The following SRGAP1 variants were observed in gnomAD, a reference collection of about 807,000 sequenced individuals.
SRGAP1 encodes SLIT-ROBO Rho GTPase activating protein 1, also known as SLIT-ROBO Rho GTPase-activating protein 1.
SRGAP1 carries 43 observed loss-of-function variants against 121.9 expected under a neutral mutation model. The observed-to-expected ratio is 0.35, with a 90% CI of 0.28 to 0.46. The LOEUF (loss-of-function observed/expected upper bound fraction) is 0.46, where lower values mean the gene tolerates loss of function less well. SRGAP1 is among the 20% of genes least tolerant of loss of function. The pLI is 1.00. For synonymous variants in SRGAP1, 447 were observed against 485.4 expected (o/e 0.92, Z 1.04); for missense variants, 1,102 against 1,350.9 (o/e 0.82, Z 2.89).
intron 18 of SRGAP1, among the ~76,000 whole-genome samples, chr12:64,124,015 C>T (rs959844272): frequency 6.6e-6 from 1 of 151,922 alleles, no homozygotes; most frequent in African/African-American, 2.4e-5. Context: ...CAGTTTGAGA[C>T]CAGCCTTGGC....
chr12:63,943,682 T>C (rs2031943522), intron 1 of SRGAP1, among the ~76,000 whole-genome samples: 1 of 152,056 alleles, frequency 6.6e-6, no homozygotes, highest in East Asian at 1.9e-4. Context: ...GCAAAGGTGA[T>C]TGGTTTGCAA....
At chr12:64,080,633 G>A in intron 10 of SRGAP1, 1 of 521,324 alleles carries the variant, frequency 1.9e-6, no homozygotes, top group Non-Finnish European at 3.5e-6. Flanking sequence ...GGGATCTTCA[G>A]AGTGTGGTGC....
chr12:64,049,344 T>G (rs1296259583), intron 6 of SRGAP1, among the ~76,000 whole-genome samples: 1 of 152,112 alleles, frequency 6.6e-6, no homozygotes, highest in Non-Finnish European at 1.5e-5. Context: ...AGGAAAGAGG[T>G]TTAATTGACT....
intron 15 of SRGAP1, among the ~76,000 whole-genome samples, chr12:64,104,066 C>G (rs2136605112): frequency 6.6e-6 from 1 of 152,272 alleles, no homozygotes; most frequent in African/African-American, 2.4e-5. Flanking sequence ...AAATTTGCAT[C>G]TTGTGATTTA....
At chr12:64,075,021 C>G (rs1285680176) in intron 8 of SRGAP1, among the ~76,000 whole-genome samples, 2 of 151,604 alleles carry the variant, frequency 1.3e-5, no homozygotes, top group African/African-American at 2.4e-5. Flanking sequence ...GCCGAGACCA[C>G]CTCGGTCGGG....
chr12:63,946,392 C>G (rs2032048724), intron 1 of SRGAP1, among the ~76,000 whole-genome samples: 1 of 151,128 alleles, frequency 6.6e-6, no homozygotes, highest in African/African-American at 2.4e-5. Flanking sequence ...TACGAAACCA[C>G]TAAGATAGTG....
At chr12:63,897,365 A>G (rs1369220799) in intron 1 of SRGAP1, among the ~76,000 whole-genome samples, 1 of 152,246 alleles carries the variant, frequency 6.6e-6, no homozygotes, top group South Asian at 2.1e-4. Context: ...TATGAGAACT[A>G]GAGCAACTAG....
intron 1 of SRGAP1, among the ~76,000 whole-genome samples, chr12:63,938,920 T>G (rs927326691): frequency 6.6e-6 from 1 of 151,758 alleles, no homozygotes; most frequent in African/African-American, 2.4e-5. Flanking sequence ...TTCAAGAGGC[T>G]GAGGTGGGAA....
At chr12:63,960,868 G>A (rs1344880821) in intron 1 of SRGAP1, among the ~76,000 whole-genome samples, 1 of 152,170 alleles carries the variant, frequency 6.6e-6, no homozygotes, top group Admixed American at 6.5e-5. Flanking sequence ...AAGAGGCAAG[G>A]AATGGATTCT....
intron 15 of SRGAP1, among the ~76,000 whole-genome samples, chr12:64,105,305 A>T (rs1479319933): frequency 6.6e-6 from 1 of 152,198 alleles, no homozygotes; most frequent in Non-Finnish European, 1.5e-5. Context: ...TTATCCACTC[A>T]TCTGTCGATG....
chr12:64,134,739 T>C (rs537653959), intron 21 of SRGAP1, among the ~76,000 whole-genome samples: 2 of 152,284 alleles, frequency 1.3e-5, no homozygotes, highest in African/African-American at 4.8e-5. Flanking sequence ...CCCAAATCAA[T>C]AAATTCAGCC....
rs1169239749 is a variant in SRGAP1 at position 64,159,827 on chromosome 12, A to G, written c.*17155A>G. On this transcript the variant is annotated 3_prime_UTR_variant, in exon 22 of 22. Coordinates refer to ENST00000355086, the MANE Select transcript of SRGAP1 (RefSeq NM_020762.4). Reference sequence around the variant, plus strand: ...TTGTTTGGACTCGAGTGGACTCTACAACAGCAGGAAATAAACTACTGTTAT... The same window carrying G: ...TTGTTTGGACTCGAGTGGACTCTACGACAGCAGGAAATAAACTACTGTTAT... The G allele has an allele frequency of 6.6e-6, 1 of 152,212 alleles. No individual in the cohort carries two copies. The highest frequency in any genetic ancestry group is 2.1e-4 in the South Asian group (1 of 4,832). 9.4% of individuals were successfully genotyped at this position (152,212 alleles called of 1,614,324 possible). A position where few individuals can be genotyped will look rare whatever the true frequency, so the allele number is the denominator to read the frequency against.
chr12:64,047,985 A>AT (rs1439404406), intron 6 of SRGAP1, among the ~76,000 whole-genome samples: 2 of 152,322 alleles, frequency 1.3e-5, no homozygotes, highest in Non-Finnish European at 2.9e-5. Context: ...TGTTACAGAC[A>AT]TTCCAATTAT....
At chr12:64,074,919 A>G (rs1285027361) in intron 8 of SRGAP1, among the ~76,000 whole-genome samples, 1 of 152,224 alleles carries the variant, frequency 6.6e-6, no homozygotes, top group Non-Finnish European at 1.5e-5. Flanking sequence ...TAATTTAGAA[A>G]TACTATATTT....
chr12:64,074,724 A>G (rs2035703220), intron 8 of SRGAP1, among the ~76,000 whole-genome samples: 1 of 152,202 alleles, frequency 6.6e-6, no homozygotes, highest in South Asian at 2.1e-4. Context: ...TAAAGAAATA[A>G]CAGCATTTAC....
At chr12:63,987,452 G>A (rs1043499553) in intron 2 of SRGAP1, among the ~76,000 whole-genome samples, 2 of 152,202 alleles carry the variant, frequency 1.3e-5, no homozygotes, top group African/African-American at 4.8e-5. Flanking sequence ...GTCGGGTGCG[G>A]TGGCTCACAC....
At chr12:63,918,854 C>A (rs1316729724) in intron 1 of SRGAP1, among the ~76,000 whole-genome samples, 1 of 152,068 alleles carries the variant, frequency 6.6e-6, no homozygotes, top group Non-Finnish European at 1.5e-5. Context: ...TCAAAGACTC[C>A]ACAGTTAGGG....
Position 63,868,066 on chromosome 12 carries a change from T to A in SRGAP1, c.67+23183T>A, listed in dbSNP as rs1383905190. Among the ~76,000 whole-genome samples the A allele has an allele frequency of 8.0e-3, 782 of 97,766 alleles. 7 individuals carry two copies. Among genetic ancestry groups the A allele is most frequent in the African/African-American group, 0.03 (631 of 20,810 alleles). The allele number at this position is 97,766 out of a possible 152,430, so 64.1% of individuals were successfully genotyped here. A position where few individuals can be genotyped will look rare whatever the true frequency, so the allele number is the denominator to read the frequency against. On this transcript the variant is annotated intron_variant, in intron 1 of 21. Transcript: ENST00000355086. ...TATATATATATATATATTTTTTTTTTTTTTTTTTTTTTGTTTTTTTTTTTT... is the reference window on the plus strand; with the variant it reads ...TATATATATATATATATTTTTTTTTATTTTTTTTTTTTGTTTTTTTTTTTT...
intron 18 of SRGAP1, among the ~76,000 whole-genome samples, chr12:64,122,427 G>A (rs2036618272): frequency 6.6e-6 from 1 of 152,162 alleles, no homozygotes; most frequent in Non-Finnish European, 1.5e-5. Flanking sequence ...ATTGACACTT[G>A]ACTGTGAAAT....
Sources: gnomAD v4.1 joint callset for allele counts (sites outside exome capture counted in the v4.1 genomes callset) on GRCh38, gnomAD v4.1.1 for gene constraint, MANE v1.5 for transcripts, NCBI Gene and HGNC (gene_info 2026-07-23, HGNC 2026-07-21) for gene names.